The following NRXN3 variants were observed in gnomAD, a reference collection of about 807,000 sequenced individuals.
NRXN3 encodes the protein neurexin III.
NRXN3 carries 32 observed loss-of-function variants against 137.6 expected under a neutral mutation model. The ratio of observed to expected loss-of-function variants is 0.23; its 90% confidence interval spans 0.18 to 0.31. The LOEUF is 0.31. Ranked by LOEUF, NRXN3 falls within the 10% of genes least tolerant of loss-of-function variation. NRXN3 has a pLI of 1.00. For missense variants in NRXN3, 1,574 were observed against 2,062.5 expected, an observed-to-expected ratio of 0.76 and a Z score of 4.59; for synonymous variants, 798 against 784.5, an observed-to-expected ratio of 1.02 and a Z score of -0.29.
intron 4 of NRXN3, among the ~76,000 whole-genome samples, chr14:78,534,735 G>C (rs991226780): frequency 6.6e-5 from 10 of 152,134 alleles, no homozygotes; most frequent in African/African-American, 2.4e-4. Flanking sequence ...ACATTCCTGG[G>C]ATTACATTTT....
intron 4 of NRXN3, among the ~76,000 whole-genome samples, chr14:78,328,408 A>C (rs1166088935): frequency 2.0e-5 from 3 of 152,196 alleles, no homozygotes; most frequent in Admixed American, 2.0e-4. Flanking sequence ...GAGTTGCATC[A>C]ATCATCATTA....
At chr14:78,867,972 T>G (rs1002194929) in intron 10 of NRXN3, among the ~76,000 whole-genome samples, 4 of 148,562 alleles carry the variant, frequency 2.7e-5, no homozygotes, top group African/African-American at 9.8e-5. Flanking sequence ...TTTATAATTA[T>G]AAAATTACAA....
chr14:79,785,840 C>A (rs934415152), intron 19 of NRXN3, among the ~76,000 whole-genome samples: 3 of 152,086 alleles, frequency 2.0e-5, no homozygotes, highest in African/African-American at 7.2e-5. Context: ...TATTCCCCGA[C>A]AAATTGACTG....
intron 16 of NRXN3, among the ~76,000 whole-genome samples, chr14:79,647,843 T>C (rs2153967732): frequency 7.4e-6 from 1 of 135,612 alleles, no homozygotes; most frequent in South Asian, 2.3e-4. Context: ...TGACAATCTC[T>C]CATGGTAGAT....
chr14:78,504,641 A>C (rs2095946888), intron 4 of NRXN3, among the ~76,000 whole-genome samples: 1 of 152,122 alleles, frequency 6.6e-6, no homozygotes, highest in Non-Finnish European at 1.5e-5. Context: ...ATTTCCTGGG[A>C]GTTCTGATGA....
At chr14:79,819,482 C>T (rs1173275078) in intron 20 of NRXN3, among the ~76,000 whole-genome samples, 79 of 71,878 alleles carry the variant, frequency 1.1e-3, no homozygotes, top group African/African-American at 1.5e-3. Flanking sequence ...ACATTAAAAG[C>T]TTTTTTTTTT....
At chr14:78,586,628 C>T (rs1025416729) in intron 4 of NRXN3, among the ~76,000 whole-genome samples, 7 of 152,090 alleles carry the variant, frequency 4.6e-5, no homozygotes, top group African/African-American at 1.4e-4. Context: ...TTAGCCCCAC[C>T]GCCTGATCAG....
At position 79,221,988 on chromosome 14, in the gene NRXN3, A is replaced by G. The variant is rs553242104; in HGVS notation, c.3262+233847A>G. Among the ~76,000 whole-genome samples the G allele has an allele frequency of 9.7e-4, 148 of 152,154 alleles. 3 individuals are homozygous for G. The South Asian group carries it at 0.029, about 30-fold the overall frequency. On this transcript the variant is annotated intron_variant, in intron 15 of 20. Coordinates refer to ENST00000335750, the MANE Select transcript of NRXN3 (RefSeq NM_001330195.2). ...CTGCGTATGGCTAGCCAGTTTTCCC[A>G]ACACCATTTGTTAAATAGGGAAATC...
intron 4 of NRXN3, among the ~76,000 whole-genome samples, chr14:78,424,428 G>A (rs2093581720): frequency 1.3e-5 from 2 of 152,202 alleles, no homozygotes; most frequent in Admixed American, 1.3e-4. Context: ...AAATCAGGAA[G>A]TATCTGGACA....
At chr14:79,209,302 G>A (rs1395333939) in intron 15 of NRXN3, among the ~76,000 whole-genome samples, 1 of 150,316 alleles carries the variant, frequency 6.7e-6, no homozygotes, top group African/African-American at 2.4e-5. Flanking sequence ...GTGTTGTCTA[G>A]CAGTCTTTAT....
At chr14:78,924,184 G>A (rs889250845) in intron 10 of NRXN3, among the ~76,000 whole-genome samples, 3 of 152,220 alleles carry the variant, frequency 2.0e-5, no homozygotes, top group African/African-American at 7.2e-5. Context: ...TGGAGGTGGA[G>A]GTTGCAGTGA....
At chr14:78,236,820 C>A (rs933893484) in intron 1 of NRXN3, among the ~76,000 whole-genome samples, 2 of 147,174 alleles carry the variant, frequency 1.4e-5, no homozygotes, top group African/African-American at 4.9e-5. Context: ...TTAAATTCAG[C>A]TGTGCCTGCC....
chr14:78,651,092 G>T, intron 5 of NRXN3, 73 bp from the exon 6 acceptor site: 2 of 1,349,646 alleles, frequency 1.5e-6, no homozygotes, highest in Non-Finnish European at 1.0e-6. Context: ...CACAAGTAGG[G>T]GAAGCCACTG....
At chr14:78,818,484 C>A (rs55712676) in intron 10 of NRXN3, among the ~76,000 whole-genome samples, 5,743 of 152,006 alleles carry the variant, frequency 0.038, 315 homozygotes, top group African/African-American at 0.11. Flanking sequence ...GAAAATTAAC[C>A]AAGGAGTGAA....
intron 15 of NRXN3, among the ~76,000 whole-genome samples, chr14:79,227,109 C>T (rs1054127128): frequency 4.6e-5 from 7 of 151,794 alleles, no homozygotes; most frequent in South Asian, 2.1e-4. Flanking sequence ...TGAGCCACCG[C>T]GCCTGGCCTA....
At chr14:79,453,816 A>G (rs1228206513) in intron 15 of NRXN3, among the ~76,000 whole-genome samples, 2 of 152,316 alleles carry the variant, frequency 1.3e-5, no homozygotes, top group East Asian at 1.9e-4. Context: ...AATATCAAAT[A>G]GATCACAAAA....
intron 4 of NRXN3, among the ~76,000 whole-genome samples, chr14:78,580,431 G>A (rs2096981834): frequency 6.6e-6 from 1 of 152,166 alleles, no homozygotes; most frequent in Non-Finnish European, 1.5e-5. Flanking sequence ...CCCATCTGAA[G>A]TATTCTTGAG....
intron 15 of NRXN3, among the ~76,000 whole-genome samples, chr14:79,228,446 A>G (rs956702364): frequency 6.6e-6 from 1 of 152,212 alleles, no homozygotes; most frequent in Admixed American, 6.5e-5. Flanking sequence ...AACAAATGCA[A>G]CAGATGTTGC....
intron 19 of NRXN3, among the ~76,000 whole-genome samples, chr14:79,780,686 A>G (rs2099111004): frequency 6.6e-6 from 1 of 152,216 alleles, no homozygotes; most frequent in African/African-American, 2.4e-5. Context: ...TACTTAAAAG[A>G]TGAAAAGTTC....
Sources: allele counts gnomAD v4.1 joint callset (sites outside exome capture counted in the v4.1 genomes callset), GRCh38; gene constraint gnomAD v4.1.1; transcripts MANE v1.5; gene names NCBI Gene and HGNC (gene_info 2026-07-23, HGNC 2026-07-21).